The following ATF1 variants were observed in gnomAD, a reference collection of about 807,000 sequenced individuals.
ATF1 encodes cyclic AMP-dependent transcription factor ATF-1.
Under a neutral mutation model 34.7 loss-of-function variants are expected in ATF1, and 16 were observed. That is an observed-to-expected ratio of 0.46 (90% CI 0.31 to 0.70). The LOEUF is 0.70. Ranked by LOEUF, ATF1 falls within the 30% of genes least tolerant of loss-of-function variation. ATF1 has a pLI of 0.05. For missense variants in ATF1, 255 were observed against 321.6 expected, an observed-to-expected ratio of 0.79 and a Z score of 1.58; for synonymous variants, 105 against 113.1, an observed-to-expected ratio of 0.93 and a Z score of 0.46.
intron 3 of ATF1, among the ~76,000 whole-genome samples, chr12:50,799,790 A>G (rs2139676263): frequency 6.6e-6 from 1 of 152,354 alleles, no homozygotes; most frequent in African/African-American, 2.4e-5. Flanking sequence ...TTTGAAGATT[A>G]TTCAATGGAT....
At chr12:50,768,505 TC>T (rs1940693785) in intron 1 of ATF1, among the ~76,000 whole-genome samples, 2 of 152,186 alleles carry the variant, frequency 1.3e-5, no homozygotes, top group South Asian at 4.1e-4. Context: ...GCCCTGTTCT[TC>T]CAAGGGCTCC....
intron 6 of ATF1, among the ~76,000 whole-genome samples, chr12:50,818,654 G>A (rs772391028): frequency 6.6e-6 from 1 of 152,050 alleles, no homozygotes; most frequent in East Asian, 1.9e-4. Flanking sequence ...CTGTTGCCCA[G>A]GGTGGAGTGC....
chr12:50,771,406 C>T (rs1269901008), intron 1 of ATF1, among the ~76,000 whole-genome samples: 1 of 152,122 alleles, frequency 6.6e-6, no homozygotes, highest in Non-Finnish European at 1.5e-5. Context: ...CCAGATACCA[C>T]CTTTTGTTGA....
At chr12:50,772,516 G>A (rs959882897) in intron 1 of ATF1, among the ~76,000 whole-genome samples, 4 of 151,888 alleles carry the variant, frequency 2.6e-5, no homozygotes, top group Admixed American at 2.0e-4. Context: ...AGTAGAGACC[G>A]AGTTTCACCA....
intron 3 of ATF1, among the ~76,000 whole-genome samples, chr12:50,807,892 C>G (rs1941650270): frequency 6.6e-6 from 1 of 151,688 alleles, no homozygotes; most frequent in Admixed American, 6.6e-5. Flanking sequence ...TCATTGGAGC[C>G]TCCACCTCCC....
intron 6 of ATF1, among the ~76,000 whole-genome samples, chr12:50,817,852 T>C (rs960480001): frequency 4.5e-4 from 69 of 152,216 alleles, no homozygotes; most frequent in African/African-American, 1.7e-3. Context: ...TTGTGCATAA[T>C]GAGGGAAATG....
chr12:50,805,317 A>G (rs1231367788), intron 3 of ATF1, among the ~76,000 whole-genome samples: 1 of 151,994 alleles, frequency 6.6e-6, no homozygotes, highest in African/African-American at 2.4e-5. Context: ...GCACTGTGGG[A>G]GGCCGAGGTG....
At chr12:50,816,220 G>A (rs924572162) in intron 6 of ATF1, among the ~76,000 whole-genome samples, 2 of 151,992 alleles carry the variant, frequency 1.3e-5, no homozygotes, top group Non-Finnish European at 2.9e-5. Context: ...CCAGCTACTC[G>A]GGAGGCTGAG....
chr12:50,783,421 C>T (rs1941114195), intron 2 of ATF1, among the ~76,000 whole-genome samples: 1 of 152,134 alleles, frequency 6.6e-6, no homozygotes, highest in South Asian at 2.1e-4. Flanking sequence ...GAGCACTTTA[C>T]AGAAATGTTC....
intron 2 of ATF1, among the ~76,000 whole-genome samples, chr12:50,781,802 A>G (rs1464285098): frequency 6.6e-6 from 1 of 151,940 alleles, no homozygotes; most frequent in East Asian, 1.9e-4. Flanking sequence ...ACCTGTAGTA[A>G]CAGCTACTTG....
intron 2 of ATF1, among the ~76,000 whole-genome samples, chr12:50,785,918 T>C (rs1009591392): frequency 6.6e-6 from 1 of 151,706 alleles, no homozygotes; most frequent in African/African-American, 2.4e-5. Flanking sequence ...TGACATCCCA[T>C]TTCCTTGTGA....
chr12:50,798,804 A>G (rs756190677), intron 3 of ATF1, among the ~76,000 whole-genome samples: 4 of 152,230 alleles, frequency 2.6e-5, no homozygotes, highest in East Asian at 3.8e-4. Flanking sequence ...AGTCAACTCA[A>G]TAAATGCTGG....
In ATF1 at chr12:50,809,389, A is replaced by T. The variant is rs1005298648; in HGVS notation, c.195-67A>T. ...ATCTTGTCTCAAAAAAAAAAAAAAA[A>T]AAAAAATTATTTTTGTGAAGTCATT... On this transcript the variant is annotated intron_variant, in intron 3 of 6. Transcript: ENST00000262053. The T allele has an allele frequency of 9.0e-6, 12 of 1,326,170 alleles. No homozygotes were observed. The Admixed American group carries it at 2.4e-4, about 26-fold the overall frequency. 82.2% of individuals were successfully genotyped at this position (1,326,170 alleles called of 1,614,324 possible).
Position 50,780,224 on chromosome 12 carries a change from C to T in ATF1, c.79C>T (p.His27Tyr), listed in dbSNP as rs1941026436. The T allele has an allele frequency of 6.2e-7, 1 of 1,612,094 alleles. No individual in the cohort carries two copies. Among genetic ancestry groups the T allele is most frequent in the African/African-American group, 1.3e-5 (1 of 74,832 alleles). ...GSAVQGAHIS[H>Y]IAQQVSSLSE... ...AGCAGTTCAGGGAGCTCACATTTCT[C>T]ATATTGCTCAACAGGTAAGGGAGGG... is the stretch of plus-strand genomic sequence containing the variant. Residue 27 changes from histidine to tyrosine, a missense_variant, in exon 2 of 7, where the codon CAT (histidine) becomes TAT (tyrosine). Physicochemically the swap from His to Tyr is moderately conservative, Grantham distance 83. Around this residue, in one of 2 missense-constraint regions of ATF1, gnomAD observed 221 missense variants for 250.7 expected, o/e 0.88. Coordinates refer to ENST00000262053, the MANE Select transcript of ATF1 (RefSeq NM_005171.5).
rs1474301591 is a variant in ATF1 at position 50,764,317 on chromosome 12, G to A, written c.-7+10G>A. The A allele has an allele frequency of 6.6e-6, 1 of 152,064 alleles. No individual in the cohort carries two copies. Among genetic ancestry groups the A allele is most frequent in the Non-Finnish European group, 1.5e-5 (1 of 67,990 alleles). 9.4% of individuals were successfully genotyped at this position (152,064 alleles called of 1,614,324 possible). The stretch of plus-strand genomic sequence containing the variant: ...GAGGCGGCAGCCACAGGTAAGTGGG[G>A]GGCGGGGAGGGACGTGCCCCGTGGC... On this transcript the variant is annotated intron_variant, in intron 1 of 6. Coordinates refer to ENST00000262053, the MANE Select transcript of ATF1 (RefSeq NM_005171.5).
intron 1 of ATF1, among the ~76,000 whole-genome samples, chr12:50,773,388 T>A (rs1478164475): frequency 2.0e-5 from 3 of 150,780 alleles, no homozygotes; most frequent in Non-Finnish European, 4.4e-5. Flanking sequence ...ACCAACAACG[T>A]AAAAGCATTC....
At chr12:50,791,526 GC>G (rs1261232541) in intron 2 of ATF1, among the ~76,000 whole-genome samples, 11 of 151,686 alleles carry the variant, frequency 7.3e-5, no homozygotes, top group Non-Finnish European at 1.6e-4. Flanking sequence ...CTTCACTTCA[GC>G]CTGGGAAGGA....
At chr12:50,782,762 T>C (rs1164420797) in intron 2 of ATF1, among the ~76,000 whole-genome samples, 8 of 147,938 alleles carry the variant, frequency 5.4e-5, no homozygotes. Context: ...CGATCTTGGC[T>C]CACTGCAACC....
In ATF1 at chr12:50,821,052, A is replaced by AAAACT. The variant is rs1430457660; in HGVS notation, c.*1275_*1279dup. The AAAACT allele has an allele frequency of 1.7e-5, 3 of 180,132 alleles. No homozygotes were observed. The highest frequency in any genetic ancestry group is 7.1e-5 in the African/African-American group (3 of 42,406). The allele number at this position is 180,132 out of a possible 1,614,324, so 11.2% of individuals were successfully genotyped here. On this transcript the variant is annotated 3_prime_UTR_variant, in exon 7 of 7. Transcript: ENST00000262053. The stretch of plus-strand genomic sequence containing the variant: ...TGTATACAGTTTAAAATTGTACTGC[A>AAAACT]AAACTATTGTGTGCTCTTACACAGT...
Sources: allele counts gnomAD v4.1 joint callset (sites outside exome capture counted in the v4.1 genomes callset), GRCh38; gene constraint gnomAD v4.1.1; regional missense constraint gnomAD v4.1.1; transcripts MANE v1.5; gene names NCBI Gene and HGNC (gene_info 2026-07-23, HGNC 2026-07-21).